Variants in CACNA1C observed in about 807,000 individuals in gnomAD.
CACNA1C encodes calcium voltage-gated channel subunit alpha1 C, also known as voltage-dependent L-type calcium channel subunit alpha-1C.
A neutral mutation model predicts 229.0 loss-of-function variants in CACNA1C; 30 were observed. The observed-to-expected ratio is 0.13, with a 90% CI of 0.10 to 0.18. The LOEUF is 0.18. CACNA1C is among the 10% of genes least tolerant of loss of function. The pLI, the probability that CACNA1C is intolerant of heterozygous loss-of-function variation, is 1.00. For synonymous variants in CACNA1C, 1,114 were observed against 1,132.5 expected (o/e 0.98, Z 0.33); for missense variants, 1,658 against 2,845.0 (o/e 0.58, Z 9.49).
chr12:2,313,039 T>G (rs1425358221), intron 3 of CACNA1C, among the ~76,000 whole-genome samples: 1 of 152,172 alleles, frequency 6.6e-6, no homozygotes, highest in Admixed American at 6.5e-5. Flanking sequence ...ATAGCAGAAC[T>G]TGATTGAAAT....
chr12:2,272,097 G>T (rs1046376045), intron 3 of CACNA1C, among the ~76,000 whole-genome samples: 1 of 152,156 alleles, frequency 6.6e-6, no homozygotes, highest in Non-Finnish European at 1.5e-5. Context: ...CTTCCATCGA[G>T]CTATTGCCTT....
At chr12:2,459,494 T>G (rs1359707708) in intron 5 of CACNA1C, among the ~76,000 whole-genome samples, 1 of 152,148 alleles carries the variant, frequency 6.6e-6, no homozygotes, top group African/African-American at 2.4e-5. Context: ...GGGCAAAGCT[T>G]GTGGCCTGTC....
In CACNA1C at chr12:2,570,373, A is replaced by G. The variant is rs115749055; in HGVS notation, c.1895+2579A>G. 4.1e-3 allele frequency among the ~76,000 whole-genome samples: 620 copies of G among 152,248 alleles called. 2 individuals are homozygous for G. Among genetic ancestry groups the G allele is most frequent in the African/African-American group, 0.014 (593 of 41,534 alleles). On this transcript the variant is annotated intron_variant, in intron 13 of 46. Coordinates refer to ENST00000399655, the MANE Select transcript of CACNA1C (RefSeq NM_000719.7). ...TCTTCTCGTCACAATTCTCTTGGCA[A>G]CCACCCAGAGCATGGTCACATGGTG... is the stretch of plus-strand genomic sequence containing the variant.
At chr12:2,582,660 G>T (rs1205443545) in intron 14 of CACNA1C, among the ~76,000 whole-genome samples, 162 bp from the exon 15 acceptor site, 5 of 152,160 alleles carry the variant, frequency 3.3e-5, no homozygotes, top group Admixed American at 6.5e-5. Flanking sequence ...CAGTTCAATA[G>T]CTCAGAGCCC....
intron 3 of CACNA1C, among the ~76,000 whole-genome samples, chr12:2,381,513 C>T (rs1480868203): frequency 6.6e-6 from 1 of 152,220 alleles, no homozygotes; most frequent in African/African-American, 2.4e-5. Context: ...GAAAGTTCCC[C>T]AGATATGGTG....
At chr12:2,366,696 T>C (rs2097728885) in intron 3 of CACNA1C, among the ~76,000 whole-genome samples, 2 of 152,202 alleles carry the variant, frequency 1.3e-5, no homozygotes, top group South Asian at 4.1e-4. Context: ...AGGGACCATT[T>C]ATTAGTCTGT....
Position 2,677,469 on chromosome 12 carries a change from T to C in CACNA1C, c.4956+248T>C. ...CATAGCCCCCAGATCTCTCAAATAC[T>C]TCACTGAGGCTCCCGTGACAGCCCC... On this transcript the variant is annotated intron_variant, in intron 40 of 46. Transcript: ENST00000399655. This position sits in a 1 kb window ranked among gnomAD's most constrained non-coding sequence, Gnocchi z 7.4. 1.6e-6 allele frequency: 1 copy of C among 612,738 alleles called. No individual in the cohort carries two copies. Among genetic ancestry groups the C allele is most frequent in the Non-Finnish European group, 2.8e-6 (1 of 352,728 alleles). 38.0% of individuals were successfully genotyped at this position (612,738 alleles called of 1,614,324 possible).
At chr12:2,607,825 C>T (rs906388262) in intron 26 of CACNA1C, 7 of 152,278 alleles carry the variant, frequency 4.6e-5, no homozygotes, top group African/African-American at 1.7e-4. Flanking sequence ...TCTAAGTCAA[C>T]AGCAATGCAT....
At chr12:2,416,661 T>A (rs1260718713) in intron 3 of CACNA1C, among the ~76,000 whole-genome samples, 1 of 152,204 alleles carries the variant, frequency 6.6e-6, no homozygotes, top group Non-Finnish European at 1.5e-5. Flanking sequence ...AGAAGTCCTG[T>A]GGGTGACAAT....
chr12:2,291,673 C>T (rs559601758), intron 3 of CACNA1C, among the ~76,000 whole-genome samples: 1 of 152,126 alleles, frequency 6.6e-6, no homozygotes, highest in Non-Finnish European at 1.5e-5. Context: ...CAAATGGCAG[C>T]GTTTGGAAGT....
At chr12:2,306,419 G>A (rs1303652054) in intron 3 of CACNA1C, among the ~76,000 whole-genome samples, 1 of 152,190 alleles carries the variant, frequency 6.6e-6, no homozygotes, top group Non-Finnish European at 1.5e-5. Flanking sequence ...GCAGAGAAAC[G>A]AGAGACCCTG....
intron 3 of CACNA1C, among the ~76,000 whole-genome samples, chr12:2,203,499 C>T (rs1022575789): frequency 3.3e-5 from 5 of 152,326 alleles, no homozygotes; most frequent in Middle Eastern, 3.4e-3. Flanking sequence ...ACCAGCTTCT[C>T]GCCATCTCCC....
At chr12:2,155,402 A>G (rs988722479) in intron 3 of CACNA1C, among the ~76,000 whole-genome samples, 4 of 151,910 alleles carry the variant, frequency 2.6e-5, no homozygotes, top group Non-Finnish European at 4.4e-5. Context: ...TCCCTATATG[A>G]AAAGAAAAAA....
intron 1 of CACNA1C, among the ~76,000 whole-genome samples, chr12:2,028,784 T>C (rs574555351): frequency 1.4e-4 from 19 of 138,372 alleles, no homozygotes; most frequent in African/African-American, 4.8e-4. Context: ...GTTTTCTCGA[T>C]TGTAAAAGGC....
chr12:2,257,914 C>T (rs528224127), intron 3 of CACNA1C, among the ~76,000 whole-genome samples: 4 of 152,258 alleles, frequency 2.6e-5, no homozygotes, highest in Non-Finnish European at 4.4e-5. Context: ...TTTTGACCTA[C>T]AGAAGCGGCA....
In CACNA1C at chr12:2,615,899, C is replaced by T. The variant is rs575331196; in HGVS notation, c.3828+3886C>T. 1.6e-4 allele frequency among the ~76,000 whole-genome samples: 24 copies of T among 152,280 alleles called. No individual in the cohort carries two copies. In the South Asian group the frequency reaches 1.9e-3, roughly 12 times the overall value. On this transcript the variant is annotated intron_variant, in intron 29 of 46. Transcript: ENST00000399655. The stretch of plus-strand genomic sequence containing the variant: ...TCCTCCTCAGTGGAATGTGGTATGC[C>T]AGGAAGGCAGGGGTTCACCCCGTGG...
chr12:2,290,034 A>G (rs2154449866), intron 3 of CACNA1C, among the ~76,000 whole-genome samples: 1 of 152,184 alleles, frequency 6.6e-6, no homozygotes, highest in Admixed American at 6.5e-5. Context: ...TGCTTTTCTG[A>G]CTCCCAGATT....
At chr12:2,110,033 G>A (rs1439637451) in intron 1 of CACNA1C, among the ~76,000 whole-genome samples, 1 of 152,164 alleles carries the variant, frequency 6.6e-6, no homozygotes, top group African/African-American at 2.4e-5. Context: ...ATCAGGTGCA[G>A]AAATAGAGAT....
intron 3 of CACNA1C, among the ~76,000 whole-genome samples, chr12:2,143,828 G>A (rs1299185007): frequency 6.6e-6 from 1 of 151,118 alleles, no homozygotes; most frequent in Non-Finnish European, 1.5e-5. Context: ...CTCTAGTGAT[G>A]CAGAGCCTTC....
Sources: allele counts gnomAD v4.1 joint callset (sites outside exome capture counted in the v4.1 genomes callset), GRCh38; gene constraint gnomAD v4.1.1; non-coding constraint Gnocchi (gnomAD v3.1); transcripts MANE v1.5; gene names NCBI Gene and HGNC (gene_info 2026-07-23, HGNC 2026-07-21).